The following NLGN1 variants were observed in gnomAD, a reference collection of about 807,000 sequenced individuals.
NLGN1 encodes neuroligin-1.
A neutral mutation model predicts 65.5 loss-of-function variants in NLGN1; 12 were observed. The ratio of observed to expected loss-of-function variants is 0.18; its 90% CI spans 0.12 to 0.30. The LOEUF is 0.30. Ranked by LOEUF, NLGN1 falls within the 10% of genes least tolerant of loss-of-function variation. The probability of loss-of-function intolerance (pLI) is 1.00; values close to 1 mark genes in which losing one functional copy is unlikely to be tolerated. For missense variants in NLGN1, 750 were observed against 1,007.1 expected, an observed-to-expected ratio of 0.74 and a Z score of 3.46; for synonymous variants, 350 against 359.5, an observed-to-expected ratio of 0.97 and a Z score of 0.30.
intron 4 of NLGN1, among the ~76,000 whole-genome samples, chr3:174,136,889 G>A (rs561168480): frequency 6.6e-6 from 1 of 152,176 alleles, no homozygotes; most frequent in South Asian, 2.1e-4. Context: ...TGATGGGGTT[G>A]CATTTCAATA....
At chr3:174,154,483 A>T (rs1316973552) in intron 4 of NLGN1, among the ~76,000 whole-genome samples, 1 of 152,018 alleles carries the variant, frequency 6.6e-6, no homozygotes, top group Admixed American at 6.6e-5. Context: ...TTATGAAGGA[A>T]TATTACTACA....
chr3:173,837,354 A>C (rs1723836565), intron 4 of NLGN1, among the ~76,000 whole-genome samples: 1 of 152,184 alleles, frequency 6.6e-6, no homozygotes, highest in Non-Finnish European at 1.5e-5. Flanking sequence ...AAGTGTATCT[A>C]TATTTAAATG....
chr3:174,082,878 G>A (rs960371405), intron 4 of NLGN1, among the ~76,000 whole-genome samples: 1 of 151,800 alleles, frequency 6.6e-6, no homozygotes, highest in Non-Finnish European at 1.5e-5. Context: ...GCACCACCAC[G>A]CCCGGCTAAT....
intron 2 of NLGN1, among the ~76,000 whole-genome samples, chr3:173,461,627 T>G (rs1260239962): frequency 6.6e-6 from 1 of 152,146 alleles, no homozygotes; most frequent in Non-Finnish European, 1.5e-5. Context: ...TTCAACTTCA[T>G]TTGACATTGT....
At chr3:173,585,936 A>T (rs1747364816) in intron 2 of NLGN1, among the ~76,000 whole-genome samples, 1 of 152,174 alleles carries the variant, frequency 6.6e-6, no homozygotes, top group Non-Finnish European at 1.5e-5. Flanking sequence ...TAATCACTCA[A>T]ATCAGTGAAT....
At position 173,803,502 on chromosome 3, in the gene NLGN1, G is replaced by C. The variant is rs547908710; in HGVS notation, c.494-4178G>C. The stretch of plus-strand genomic sequence containing the variant: ...GAGCACCTATAATCTCAGGTACTCC[G>C]GAGGCTGAGGCATGAGAATTGCTTA... On this transcript the variant is annotated intron_variant, in intron 3 of 6. Coordinates refer to ENST00000457714, the Ensembl canonical transcript of NLGN1. Among the ~76,000 whole-genome samples, 4 of 152,128 alleles carry C rather than the reference G, an allele frequency of 2.6e-5. No homozygotes were observed. The East Asian group carries it at 7.8e-4, about 30-fold the overall frequency.
chr3:174,243,495 A>G (rs564188496), intron 4 of NLGN1, among the ~76,000 whole-genome samples: 2 of 152,318 alleles, frequency 1.3e-5, no homozygotes, highest in East Asian at 3.9e-4. Context: ...TTTAGTTAAT[A>G]TTAAATTAAC....
intron 4 of NLGN1, among the ~76,000 whole-genome samples, chr3:174,239,349 A>G (rs1742368859): frequency 6.6e-6 from 1 of 152,182 alleles, no homozygotes; most frequent in Admixed American, 6.5e-5. Flanking sequence ...GATTACAGAC[A>G]TAAGCCACCG....
chr3:174,079,709 A>G (rs1741743882), intron 4 of NLGN1, among the ~76,000 whole-genome samples: 1 of 152,234 alleles, frequency 6.6e-6, no homozygotes, highest in Non-Finnish European at 1.5e-5. Context: ...GTAGCTATAA[A>G]AAAGAATGAG....
intron 4 of NLGN1, among the ~76,000 whole-genome samples, chr3:174,134,054 T>C (rs1403012373): frequency 1.3e-5 from 2 of 152,118 alleles, no homozygotes; most frequent in Non-Finnish European, 2.9e-5. Flanking sequence ...GGCAAGGTCT[T>C]CCTCCTCCTC....
chr3:173,963,650 G>A (rs1371285716), intron 4 of NLGN1, among the ~76,000 whole-genome samples: 3 of 152,146 alleles, frequency 2.0e-5, no homozygotes. Flanking sequence ...CAATAAAAAT[G>A]AGAAATAATA....
intron 4 of NLGN1, among the ~76,000 whole-genome samples, chr3:173,811,942 A>C (rs2150478076): frequency 6.6e-6 from 1 of 152,260 alleles, no homozygotes; most frequent in South Asian, 2.1e-4. Context: ...CCCTGTGAGG[A>C]TCTTACTTGG....
At chr3:174,153,160 G>T (rs996254646) in intron 4 of NLGN1, among the ~76,000 whole-genome samples, 2 of 152,106 alleles carry the variant, frequency 1.3e-5, no homozygotes, top group Admixed American at 1.3e-4. Context: ...GGCACTTCTT[G>T]AAGAGGCTTA....
intron 4 of NLGN1, among the ~76,000 whole-genome samples, chr3:174,112,162 T>A (rs1036336874): frequency 6.6e-6 from 1 of 151,934 alleles, no homozygotes; most frequent in South Asian, 2.1e-4. Context: ...TTCTAGTGGC[T>A]TAGAAAGATG....
chr3:174,095,665 G>C (rs1361075967), intron 4 of NLGN1, among the ~76,000 whole-genome samples: 4 of 151,602 alleles, frequency 2.6e-5, no homozygotes, highest in African/African-American at 9.7e-5. Flanking sequence ...CGTGTGTATA[G>C]ATACATATAT....
intron 2 of NLGN1, among the ~76,000 whole-genome samples, chr3:173,552,145 A>G (rs1164491343): frequency 6.6e-6 from 1 of 152,152 alleles, no homozygotes; most frequent in Admixed American, 6.5e-5. Context: ...TGTGAGCCTA[A>G]TCCCCTGGAG....
chr3:174,281,173 T>C (rs1751473033), exon 7 of NLGN1: 1 of 1,613,106 alleles, frequency 6.2e-7, no homozygotes, highest in Admixed American at 1.7e-5. Flanking sequence ...CCCAACACCA[T>C]TACAATGATT....
At chr3:174,269,809 A>T (rs1748995390) in intron 4 of NLGN1, among the ~76,000 whole-genome samples, 1 of 151,918 alleles carries the variant, frequency 6.6e-6, no homozygotes, top group Non-Finnish European at 1.5e-5. Flanking sequence ...CCACCAAAAC[A>T]AGGGTTGCAA....
chr3:173,517,273 G>GT (rs1733957963), intron 2 of NLGN1, among the ~76,000 whole-genome samples: 1 of 152,018 alleles, frequency 6.6e-6, no homozygotes, highest in South Asian at 2.1e-4. Flanking sequence ...TAGAATAGAA[G>GT]ATGCATGGAG....
Sources: allele counts gnomAD v4.1 joint callset (sites outside exome capture counted in the v4.1 genomes callset), GRCh38; gene constraint gnomAD v4.1.1; transcripts MANE v1.5; gene names NCBI Gene and HGNC (gene_info 2026-07-23, HGNC 2026-07-21).